Variants in UROS observed in about 807,000 individuals in gnomAD.
UROS encodes uroporphyrinogen III synthase.
UROS carries 18 observed loss-of-function variants against 33.0 expected under a neutral mutation model. That is an observed-to-expected ratio of 0.55 (90% CI 0.38 to 0.81). The LOEUF (loss-of-function observed/expected upper bound fraction) is 0.81. Ranked by LOEUF, UROS falls within the 30% of genes least tolerant of loss-of-function variation. The pLI, the probability that UROS is intolerant of heterozygous loss-of-function variation, is 0.00. For synonymous variants in UROS, 114 were observed against 121.1 expected, an observed-to-expected ratio of 0.94 and a Z score of 0.38; for missense variants, 293 against 314.9, an observed-to-expected ratio of 0.93 and a Z score of 0.53.
At chr10:125,821,568 A>G (rs1289568606) in intron 1 of UROS, among the ~76,000 whole-genome samples, 1 of 152,232 alleles carries the variant, frequency 6.6e-6, no homozygotes, top group Admixed American at 6.5e-5. Context: ...ATGTGAATGC[A>G]CTTCATGCCA....
chr10:125,800,617 A>C (rs1453219225), intron 6 of UROS, among the ~76,000 whole-genome samples: 2 of 147,628 alleles, frequency 1.4e-5, no homozygotes. Context: ...GCTGGAGTGC[A>C]GTGGTGCAAT....
Position 125,799,901 on chromosome 10 carries a change from T to A in UROS, c.395-1756A>T, listed in dbSNP as rs1851677381. Reference sequence around the variant, plus strand: ...ACAAAGGAGTTATTCCCTTTTGGAATATGCTTAATGCCTGGGGATTTATCT... The same window carrying A: ...ACAAAGGAGTTATTCCCTTTTGGAAAATGCTTAATGCCTGGGGATTTATCT... On this transcript the variant is annotated intron_variant, in intron 6 of 9. Coordinates refer to ENST00000368797, the MANE Select transcript of UROS (RefSeq NM_000375.3). 2.0e-5 allele frequency among the ~76,000 whole-genome samples: 3 copies of A among 152,294 alleles called. No individual in the cohort carries two copies. In the South Asian group the frequency reaches 6.2e-4, roughly 32 times the overall value.
chr10:125,789,258 T>A, intron 9 of UROS: 1 of 1,415,718 alleles, frequency 7.1e-7, no homozygotes. Flanking sequence ...GGGCAGGGAC[T>A]TGAAGGCCCC....
chr10:125,805,569 C>T lies in UROS; in HGVS notation c.394+1844G>A, dbSNP rs369356608. Among the ~76,000 whole-genome samples the T allele has an allele frequency of 3.7e-4, 56 of 152,272 alleles. 1 individual carries two copies. In the East Asian group the frequency reaches 7.9e-3, roughly 22 times the overall value. On this transcript the variant is annotated intron_variant, in intron 6 of 9. Transcript: ENST00000368797. The stretch of plus-strand genomic sequence containing the variant: ...ATGTTCTGTGTGGTCCAATTTGGTG[C>T]CACTGGCCACAGTGACAAGTGAGCT...
chr10:125,814,328 T>C (rs1853102203), intron 4 of UROS, among the ~76,000 whole-genome samples: 3 of 152,304 alleles, frequency 2.0e-5, no homozygotes, highest in Middle Eastern at 6.8e-3. Context: ...TCAGTGTAAC[T>C]GTGGAGGTGG....
chr10:125,803,142 C>G, intron 6 of UROS: 1 of 1,415,998 alleles, frequency 7.1e-7, no homozygotes, highest in Non-Finnish European at 9.8e-7. Context: ...GAGCCCCAGC[C>G]TACCACTATT....
chr10:125,806,195 G>A (rs377534974), intron 6 of UROS, among the ~76,000 whole-genome samples: 3 of 152,194 alleles, frequency 2.0e-5, no homozygotes, highest in South Asian at 2.1e-4. Context: ...AAGTTTGCAC[G>A]TCAAGAAAGG....
intron 9 of UROS, chr10:125,794,200 C>G (rs1237515266): frequency 5.9e-6 from 2 of 340,114 alleles, no homozygotes; most frequent in African/African-American, 4.5e-5. Flanking sequence ...TATGATGTCT[C>G]TGAGCCCCGT....
chr10:125,796,227 G>C, intron 7 of UROS, 39 bp from the exon 8 acceptor site: 1 of 1,598,732 alleles, frequency 6.3e-7, no homozygotes. Flanking sequence ...TTACCGCACT[G>C]GGCACACAAT....
At chr10:125,797,361 C>T (rs1851452140) in intron 7 of UROS, among the ~76,000 whole-genome samples, 2 of 152,152 alleles carry the variant, frequency 1.3e-5, no homozygotes, top group African/African-American at 4.8e-5. Flanking sequence ...GTACAGATAA[C>T]CATATTTCAC....
downstream of UROS, among the ~76,000 whole-genome samples, chr10:125,787,868 A>C (rs530804705): frequency 6.6e-6 from 1 of 152,124 alleles, no homozygotes; most frequent in Non-Finnish European, 1.5e-5. Context: ...GTGGCTGATG[A>C]ATTTCATTAG....
In UROS at chr10:125,816,477, TC is replaced by T. The variant is rs1564803360; in HGVS notation, c.22del (p.Asp8MetfsTer16). 1.2e-6 allele frequency: 2 copies of T among 1,614,188 alleles called. No individual in the cohort carries two copies. The highest frequency in any genetic ancestry group is 8.5e-7 in the Non-Finnish European group (1 of 1,180,024). On this transcript the variant is annotated frameshift_variant, in exon 2 of 10. Transcript: ENST00000368797. LOFTEE classifies it high-confidence loss of function. MKVLLLK[D>X]AKEDDCGQDP... ...CTGGCCACAGTCATCTTCCTTCGCA[TC>T]CTTCAGTAAAAGAACCTTCATTATT... is the stretch of plus-strand genomic sequence containing the variant.
chr10:125,797,923 C>G, intron 7 of UROS, 142 bp downstream of exon 7: 2 of 898,270 alleles, frequency 2.2e-6, no homozygotes, highest in African/African-American at 1.6e-5. Flanking sequence ...TGAGCATGGT[C>G]TCTGTGTCTC....
chr10:125,797,961 G>A (rs1851507828), intron 7 of UROS, 104 bp downstream of exon 7: 3 of 1,375,148 alleles, frequency 2.2e-6, no homozygotes, highest in Admixed American at 3.4e-5. Context: ...ACCCAGCCCT[G>A]CTCTCCCTTG....
intron 1 of UROS, among the ~76,000 whole-genome samples, chr10:125,818,539 TTGA>T (rs377411072): frequency 7.6e-4 from 116 of 152,158 alleles, no homozygotes; most frequent in Non-Finnish European, 1.3e-3. Flanking sequence ...GGTTCTGTTG[TTGA>T]TGATTCTTTG....
intron 9 of UROS, chr10:125,791,868 G>A (rs776402352): frequency 1.3e-5 from 2 of 152,120 alleles, no homozygotes; most frequent in Non-Finnish European, 1.5e-5. Flanking sequence ...TCTTTGGGGT[G>A]ATGATATGTC....
chr10:125,812,390 A>T, intron 4 of UROS, 102 bp from the exon 5 acceptor site: 5 of 963,252 alleles, frequency 5.2e-6, no homozygotes, highest in Admixed American at 1.9e-5. Context: ...GAGCAAAGCA[A>T]ACTATTAGCA....
At chr10:125,817,793 T>C (rs1433110177) in intron 1 of UROS, among the ~76,000 whole-genome samples, 1 of 152,200 alleles carries the variant, frequency 6.6e-6, no homozygotes, top group Non-Finnish European at 1.5e-5. Context: ...CCAACCAGTC[T>C]GGCTCCAAAG....
chr10:125,785,239 A>T (rs1850608347), downstream of UROS: 2 of 152,218 alleles, frequency 1.3e-5, no homozygotes, highest in African/African-American at 4.8e-5. Context: ...CAAGATGCCC[A>T]CTGGAGCTCC....
Sources: gnomAD v4.1 joint callset for allele counts (sites outside exome capture counted in the v4.1 genomes callset) on GRCh38, gnomAD v4.1.1 for gene constraint, MANE v1.5 for transcripts, NCBI Gene and HGNC (gene_info 2026-07-23, HGNC 2026-07-21) for gene names.